Variants in PCMT1 observed in about 807,000 individuals in gnomAD.
PCMT1 encodes protein-L-isoaspartate(D-aspartate) O-methyltransferase.
PCMT1 carries 9 observed loss-of-function variants against 29.2 expected under a neutral mutation model. That is an observed-to-expected ratio of 0.31 (90% CI 0.19 to 0.54). The LOEUF (loss-of-function observed/expected upper bound fraction) is 0.54, where lower values mean the gene tolerates loss of function less well. PCMT1 is among the 20% of genes least tolerant of loss of function. The probability of loss-of-function intolerance (pLI) is 0.95; values close to 1 mark genes in which losing one functional copy is unlikely to be tolerated. For missense variants in PCMT1, 184 were observed against 282.2 expected (o/e 0.65, Z 2.49); for synonymous variants, 98 against 97.5 (o/e 1.00, Z -0.03).
intron 6 of PCMT1, chr6:149,796,788 T>G (rs1788629958): frequency 1.9e-5 from 5 of 260,806 alleles, no homozygotes; most frequent in Admixed American, 1.1e-4. Flanking sequence ...GATAATCAGG[T>G]TTTTTTTGTT....
chr6:149,805,970 A>G (rs1214976983), intron 7 of PCMT1, among the ~76,000 whole-genome samples: 1 of 151,326 alleles, frequency 6.6e-6, no homozygotes, highest in African/African-American at 2.4e-5. Flanking sequence ...GAGCAAACTT[A>G]CATGTTCGCA....
At chr6:149,796,875 C>A in intron 6 of PCMT1, 1 of 155,814 alleles carries the variant, frequency 6.4e-6, no homozygotes, top group Non-Finnish European at 1.4e-5. Flanking sequence ...GTGCAGTGGC[C>A]CAATTTCAGC....
intron 1 of PCMT1, among the ~76,000 whole-genome samples, chr6:149,751,256 G>A (rs1255746876): frequency 6.6e-6 from 1 of 152,146 alleles, no homozygotes; most frequent in East Asian, 1.9e-4. Flanking sequence ...CGGGGAGGTT[G>A]CAGTGAGCCA....
At chr6:149,781,229 C>T (rs1352813546) in intron 3 of PCMT1, among the ~76,000 whole-genome samples, 31 of 109,352 alleles carry the variant, frequency 2.8e-4, no homozygotes, top group African/African-American at 9.5e-4. Context: ...ATAATTAAAA[C>T]TTTTTTTTTT....
intron 4 of PCMT1, among the ~76,000 whole-genome samples, chr6:149,791,743 T>C (rs1788382001): frequency 6.6e-6 from 1 of 152,226 alleles, no homozygotes; most frequent in Admixed American, 6.5e-5. Flanking sequence ...TTAATGGATA[T>C]CAGTGATTTT....
chr6:149,805,390 G>C (rs539230633), intron 7 of PCMT1, among the ~76,000 whole-genome samples: 1 of 151,562 alleles, frequency 6.6e-6, no homozygotes, highest in East Asian at 1.9e-4. Flanking sequence ...TCAGGAGATC[G>C]AGACCATCCT....
intron 7 of PCMT1, among the ~76,000 whole-genome samples, chr6:149,805,364 C>T (rs76955048): frequency 1.1e-4 from 17 of 151,954 alleles, no homozygotes; most frequent in South Asian, 1.0e-3. Context: ...GAGGCCAAGG[C>T]GGGCAGATCA....
intron 3 of PCMT1, among the ~76,000 whole-genome samples, chr6:149,786,256 C>T (rs1234090374): frequency 1.7e-5 from 2 of 120,470 alleles, no homozygotes; most frequent in Non-Finnish European, 3.4e-5. Context: ...GGCGGCTGGC[C>T]GGGCGGGGGT....
At chr6:149,789,200 C>T (rs1468908641) in intron 3 of PCMT1, among the ~76,000 whole-genome samples, 5 of 151,718 alleles carry the variant, frequency 3.3e-5, no homozygotes, top group African/African-American at 7.3e-5. Context: ...CTCAGCCTCC[C>T]GAGTAGCTGG....
chr6:149,766,805 A>G (rs116272624), intron 1 of PCMT1, among the ~76,000 whole-genome samples: 392 of 152,284 alleles, frequency 2.6e-3, no homozygotes, highest in African/African-American at 8.6e-3. Context: ...CCTATCCTCT[A>G]GCAACTACAG....
intron 5 of PCMT1, chr6:149,795,263 GT>G (rs1381182171): frequency 5.0e-6 from 2 of 403,786 alleles, no homozygotes; most frequent in Non-Finnish European, 9.5e-6. Flanking sequence ...AAAGATCACA[GT>G]TCCTCTCGTC....
chr6:149,773,600 G>A (rs1456882761), intron 3 of PCMT1, among the ~76,000 whole-genome samples: 3 of 152,084 alleles, frequency 2.0e-5, no homozygotes, highest in African/African-American at 7.2e-5. Context: ...GGATGGTCTC[G>A]ATCTCCTGAC....
At chr6:149,791,707 C>G (rs1788380754) in intron 4 of PCMT1, among the ~76,000 whole-genome samples, 1 of 152,116 alleles carries the variant, frequency 6.6e-6, no homozygotes, top group African/African-American at 2.4e-5. Flanking sequence ...AGATGTTTTG[C>G]TCATTTTGTA....
chr6:149,766,807 C>T (rs1356029077), intron 1 of PCMT1, among the ~76,000 whole-genome samples: 2 of 152,192 alleles, frequency 1.3e-5, no homozygotes, highest in Non-Finnish European at 2.9e-5. Flanking sequence ...TATCCTCTAG[C>T]AACTACAGAC....
In PCMT1 at chr6:149,751,476, C is replaced by CTTTT. The variant is rs76128652; in HGVS notation, c.55+1540_55+1543dup. Among the ~76,000 whole-genome samples, 41 of 116,546 alleles carry CTTTT rather than the reference C, an allele frequency of 3.5e-4. 1 individual carries two copies. The highest frequency in any genetic ancestry group is 9.0e-4 in the African/African-American group (24 of 26,576). The allele number at this position is 116,546 out of a possible 152,430, so 76.5% of individuals were successfully genotyped here. ...AGTACTGTTTGGCACATGGTTGGTA[C>CTTTT]TTTTTTTTTTTTTTTTTTTTTTTGA... is the stretch of plus-strand genomic sequence containing the variant. On this transcript the variant is annotated intron_variant, in intron 1 of 7. Transcript: ENST00000464889.
intron 5 of PCMT1, 82 bp from the exon 6 acceptor site, chr6:149,796,333 C>T (rs1788610255): frequency 3.8e-6 from 3 of 780,178 alleles, no homozygotes; most frequent in Non-Finnish European, 4.2e-6. Context: ...ATCCTTTCTC[C>T]ATTGTAAACC....
intron 3 of PCMT1, among the ~76,000 whole-genome samples, chr6:149,788,553 A>G (rs894098339): frequency 2.0e-5 from 3 of 152,158 alleles, no homozygotes; most frequent in African/African-American, 7.2e-5. Flanking sequence ...TCATAATTCA[A>G]TATAGGTTAT....
At chr6:149,766,621 G>C (rs1026457765) in intron 1 of PCMT1, among the ~76,000 whole-genome samples, 4 of 152,204 alleles carry the variant, frequency 2.6e-5, no homozygotes, top group African/African-American at 9.6e-5. Context: ...GTTTCTGGCT[G>C]TTCTTGCATC....
At chr6:149,794,646 C>T (rs944365568) in intron 5 of PCMT1, 3 of 254,884 alleles carry the variant, frequency 1.2e-5, no homozygotes, top group Non-Finnish European at 2.2e-5. Context: ...AATAAAGGCC[C>T]GGGCAGCTCT....
Sources: gnomAD v4.1 joint callset for allele counts (sites outside exome capture counted in the v4.1 genomes callset) on GRCh38, gnomAD v4.1.1 for gene constraint, MANE v1.5 for transcripts, NCBI Gene and HGNC (gene_info 2026-07-23, HGNC 2026-07-21) for gene names.